RYR2: variants seen among roughly 807,000 people sequenced by gnomAD.
The protein encoded by RYR2 is cardiac muscle ryanodine receptor-calcium release channel.
In RYR2, 227 loss-of-function variants were observed where a neutral mutation model predicts 601.1. The ratio of observed to expected loss-of-function variants is 0.38; its 90% CI spans 0.34 to 0.42. RYR2 has a LOEUF of 0.42. Ranked by LOEUF, RYR2 falls within the 10% of genes least tolerant of loss-of-function variation. The pLI, the probability that RYR2 is intolerant of heterozygous loss-of-function variation, is 1.00. For missense variants in RYR2, 4,646 were observed against 6,156.5 expected, an observed-to-expected ratio of 0.75 and a Z score of 8.21; for synonymous variants, 2,223 against 2,175.1, an observed-to-expected ratio of 1.02 and a Z score of -0.61.
Position 237,374,698 on chromosome 1 carries a change from C to A in RYR2, c.385-19C>A. On this transcript the variant is annotated intron_variant, in intron 6 of 104. Coordinates refer to ENST00000366574, the MANE Select transcript of RYR2 (RefSeq NM_001035.3). ...CGAACAAAACCTCTACTTACAACTACTGATTTTGTACTTTGTAGTATCTGT... is the reference window on the plus strand; with the variant it reads ...CGAACAAAACCTCTACTTACAACTAATGATTTTGTACTTTGTAGTATCTGT... The A allele has an allele frequency of 3.1e-6, 5 of 1,597,264 alleles. No homozygotes were observed. In the East Asian group the frequency reaches 1.1e-4, roughly 36 times the overall value.
At chr1:237,299,127 C>CTTTTTTTTTTT (rs3086046) in intron 2 of RYR2, among the ~76,000 whole-genome samples, 36 of 145,340 alleles carry the variant, frequency 2.5e-4, no homozygotes, top group Non-Finnish European at 4.2e-4. Flanking sequence ...TTCCTAGAGT[C>CTTTTTTTTTTT]TTTTTTTTTT....
intron 35 of RYR2, among the ~76,000 whole-genome samples, chr1:237,604,687 A>G (rs1307298039): frequency 1.3e-5 from 2 of 152,222 alleles, no homozygotes; most frequent in Non-Finnish European, 2.9e-5. Flanking sequence ...AGACTAATAA[A>G]GAAGAAAAGA....
At chr1:237,050,440 G>T (rs1421830942) in intron 1 of RYR2, among the ~76,000 whole-genome samples, 1 of 152,162 alleles carries the variant, frequency 6.6e-6, no homozygotes, top group Non-Finnish European at 1.5e-5. Context: ...GGTCACTGAG[G>T]GAGAGGCACA....
chr1:237,378,495 T>C (rs1558714369), intron 8 of RYR2, among the ~76,000 whole-genome samples: 1 of 152,146 alleles, frequency 6.6e-6, no homozygotes, highest in Non-Finnish European at 1.5e-5. Flanking sequence ...AAATATAAAA[T>C]GGGGCATTGT....
At chr1:237,444,311 C>T (rs1431047311) in intron 13 of RYR2, among the ~76,000 whole-genome samples, 1 of 152,078 alleles carries the variant, frequency 6.6e-6, no homozygotes, top group Non-Finnish European at 1.5e-5. Flanking sequence ...ATGAAAACCG[C>T]AAGTTCTTTC....
chr1:237,786,830 C>A (rs1296882354), intron 91 of RYR2, among the ~76,000 whole-genome samples: 1 of 152,164 alleles, frequency 6.6e-6, no homozygotes, highest in Admixed American at 6.5e-5. Flanking sequence ...CTGTTATTTT[C>A]TTTGGTCTGT....
intron 29 of RYR2, among the ~76,000 whole-genome samples, chr1:237,571,403 C>G (rs971468246): frequency 4.0e-5 from 6 of 151,358 alleles, no homozygotes; most frequent in African/African-American, 1.5e-4. Flanking sequence ...CAACCTCCGC[C>G]TCCCAGGTTC....
intron 63 of RYR2, among the ~76,000 whole-genome samples, chr1:237,694,049 C>T (rs936986573): frequency 1.3e-5 from 2 of 152,102 alleles, no homozygotes; most frequent in Non-Finnish European, 2.9e-5. Context: ...AATCCCAGCA[C>T]TCTGGGAGGC....
intron 16 of RYR2, among the ~76,000 whole-genome samples, chr1:237,468,331 T>A (rs1660311534): frequency 6.6e-6 from 1 of 152,176 alleles, no homozygotes; most frequent in South Asian, 2.1e-4. Flanking sequence ...TTTAATGATT[T>A]TGAAAAATTA....
intron 90 of RYR2, among the ~76,000 whole-genome samples, chr1:237,785,687 T>G (rs1695492589): frequency 6.8e-6 from 1 of 146,860 alleles, no homozygotes; most frequent in Non-Finnish European, 1.5e-5. Context: ...GAGTAAGATT[T>G]TAGTAGGTGC....
rs1275412877 is a variant in RYR2, at chr1:237,784,461, A to G, written c.12749A>G (p.Tyr4250Cys). 1 of 1,613,698 alleles carries G rather than the reference A, an allele frequency of 6.2e-7. No homozygotes were observed. The highest frequency in any genetic ancestry group is 1.7e-5 in the Admixed American group (1 of 59,996). The part of the protein sequence containing the change: ...TVRSALFALR[Y>C]NILTLMRMLS... ...AGGTCGGCCCTGTTTGCGCTCAGGTACAATATCTTGACCCTTATGCGAATG... is the reference window on the plus strand; with the variant it reads ...AGGTCGGCCCTGTTTGCGCTCAGGTGCAATATCTTGACCCTTATGCGAATG... Residue 4250 changes from tyrosine to cysteine, a missense_variant, in exon 90 of 105, where the codon TAC becomes TGC. By Grantham distance (194) the Tyr-to-Cys change is radical (BLOSUM62 -2). This residue lies in a region of RYR2 where 364 missense variants were observed against 442.9 expected (regional missense o/e 0.82). Transcript: ENST00000366574. This position sits in a 1 kb window ranked among gnomAD's most constrained non-coding sequence, Gnocchi z 7.1.
At chr1:237,594,898 T>G (rs200093863) in intron 33 of RYR2, among the ~76,000 whole-genome samples, 751 of 20,626 alleles carry the variant, frequency 0.036, 51 homozygotes, top group Middle Eastern at 0.059. Context: ...TTTTTTTTTT[T>G]TTTTTTTTTT....
chr1:237,273,232 T>G (rs748900259), intron 2 of RYR2, among the ~76,000 whole-genome samples: 3 of 152,100 alleles, frequency 2.0e-5, no homozygotes, highest in Non-Finnish European at 4.4e-5. Context: ...GTGTGCAACC[T>G]AGATCCCTTG....
chr1:237,788,214 C>T, intron 92 of RYR2, 79 bp downstream of exon 92: 1 of 1,187,410 alleles, frequency 8.4e-7, no homozygotes, highest in Non-Finnish European at 1.2e-6. Flanking sequence ...TGTTTGCTGA[C>T]CTCTCCCTGA....
At chr1:237,563,433 A>G (rs1671660553) in intron 27 of RYR2, among the ~76,000 whole-genome samples, 1 of 150,564 alleles carries the variant, frequency 6.6e-6, no homozygotes, top group East Asian at 1.9e-4. Flanking sequence ...AACACAAACA[A>G]ATAGGAAAAT....
chr1:237,491,722 A>G (rs1017262444), intron 17 of RYR2, 84 bp from the exon 18 acceptor site: 1 of 689,416 alleles, frequency 1.5e-6, no homozygotes, highest in Non-Finnish European at 2.6e-6. Context: ...TACTGAATGC[A>G]CCTATGTAGA....
intron 17 of RYR2, among the ~76,000 whole-genome samples, chr1:237,487,726 CTATCTCAAAAAAAAA>C (rs1381132939): frequency 2.7e-5 from 4 of 149,768 alleles, no homozygotes; most frequent in Admixed American, 1.3e-4. Context: ...AAGCAAGATC[CTATCTCAAAAAAAAA>C]TTATTCCAAT....
At chr1:237,212,226 C>A (rs1021018734) in intron 1 of RYR2, among the ~76,000 whole-genome samples, 1 of 152,144 alleles carries the variant, frequency 6.6e-6, no homozygotes, top group South Asian at 2.1e-4. Context: ...CTTATTTTCT[C>A]AATCCTATAT....
At position 237,702,028 on chromosome 1, in the gene RYR2, T is replaced by G. The variant is rs796586893; in HGVS notation, c.9418T>G (p.Leu3140Val). ...CYRILTSLYA[L>V]GTSKSIYVER... ...TAGAATTCTGACTAGCTTATATGCT[T>G]TGGGAACCAGCAAGAGTATTTACGT... is the stretch of plus-strand genomic sequence containing the variant. Residue 3140 changes from leucine to valine, a missense_variant, in exon 66 of 105, where the codon TTG becomes GTG. Transcript: ENST00000366574. The G allele has an allele frequency of 3.7e-6, 6 of 1,607,010 alleles. No individual in the cohort carries two copies. The African/African-American group carries it at 8.0e-5, about 21-fold the overall frequency.
Sources: allele counts gnomAD v4.1 joint callset (sites outside exome capture counted in the v4.1 genomes callset), GRCh38; gene constraint gnomAD v4.1.1; regional missense constraint gnomAD v4.1.1; non-coding constraint Gnocchi (gnomAD v3.1); transcripts MANE v1.5; gene names NCBI Gene and HGNC (gene_info 2026-07-23, HGNC 2026-07-21).